Variants in SLC8A1 observed in about 807,000 individuals in gnomAD.
SLC8A1 encodes the protein sodium/calcium exchanger 1.
A neutral mutation model predicts 68.3 loss-of-function variants in SLC8A1; 18 were observed. The ratio of observed to expected loss-of-function variants is 0.26; its 90% CI spans 0.18 to 0.39. The LOEUF is 0.39. SLC8A1 is among the 10% of genes least tolerant of loss of function. SLC8A1 has a pLI of 1.00. For missense variants in SLC8A1, 985 were observed against 1,156.7 expected, an observed-to-expected ratio of 0.85 and a Z score of 2.15; for synonymous variants, 475 against 415.5, an observed-to-expected ratio of 1.14 and a Z score of -1.74.
In SLC8A1 at chr2:40,215,456, T is replaced by TGAAA. The variant is rs1332844700; in HGVS notation, c.1809-37605_1809-37602dup. Among the ~76,000 whole-genome samples the TGAAA allele has an allele frequency of 2.0e-5, 3 of 151,420 alleles. No individual in the cohort carries two copies. In the South Asian group the frequency reaches 6.3e-4, roughly 32 times the overall value. ...ATCGAGACCATCCTGGCTAACAAGG[T>TGAAA]GAAACCCCGTCTCTACTAAAAATAC... is the stretch of plus-strand genomic sequence containing the variant. On this transcript the variant is annotated intron_variant, in intron 2 of 7. Transcript: ENST00000406785.
chr2:40,216,465 A>C (rs1357540927), intron 2 of SLC8A1, among the ~76,000 whole-genome samples: 1 of 152,126 alleles, frequency 6.6e-6, no homozygotes, highest in South Asian at 2.1e-4. Context: ...ATAAACATAC[A>C]TGTGCATGTG....
intron 2 of SLC8A1, among the ~76,000 whole-genome samples, chr2:40,420,844 A>G (rs1330005297): frequency 6.6e-6 from 1 of 152,034 alleles, no homozygotes; most frequent in East Asian, 1.9e-4. Context: ...CCTGAATAAG[A>G]CTCTATGGGA....
Position 40,488,224 on chromosome 2 carries a change from A to AG in SLC8A1, c.-25+24124dup, listed in dbSNP as rs1423579422. ...CACAAGGGGGACACCTTCTGTAGAC[A>AG]GAAAAAAAAAAAAAAGACTGAAACA... On this transcript the variant is annotated intron_variant, in intron 1 of 7. Transcript: ENST00000402441. Among the ~76,000 whole-genome samples the AG allele has an allele frequency of 5.8e-5, 7 of 121,632 alleles. No homozygotes were observed. The South Asian group carries it at 1.3e-3, about 23-fold the overall frequency. The allele number at this position is 121,632 out of a possible 152,430, so 79.8% of individuals were successfully genotyped here.
chr2:40,132,816 T>C (rs2039661186), intron 7 of SLC8A1, among the ~76,000 whole-genome samples: 1 of 152,178 alleles, frequency 6.6e-6, no homozygotes. Flanking sequence ...TGACATAACC[T>C]AAGTAAGATA....
At chr2:40,399,967 T>A (rs984260574) in intron 2 of SLC8A1, among the ~76,000 whole-genome samples, 1 of 152,226 alleles carries the variant, frequency 6.6e-6, no homozygotes, top group Non-Finnish European at 1.5e-5. Context: ...TCGGTTATTT[T>A]ACCTATAGAT....
chr2:40,312,675 CA>C (rs1053832055), intron 2 of SLC8A1, among the ~76,000 whole-genome samples: 14 of 152,046 alleles, frequency 9.2e-5, no homozygotes, highest in African/African-American at 3.4e-4. Flanking sequence ...TTGGAAAATA[CA>C]AGATAAGATT....
chr2:40,104,538 A>G (rs1245947266), exon 8 of SLC8A1: 1 of 152,170 alleles, frequency 6.6e-6, no homozygotes, highest in East Asian at 1.9e-4. Flanking sequence ...AGGTTTCAAA[A>G]TGGCCCCATT....
chr2:40,412,758 C>A (rs1307788069), intron 2 of SLC8A1, among the ~76,000 whole-genome samples: 1 of 152,168 alleles, frequency 6.6e-6, no homozygotes, highest in Non-Finnish European at 1.5e-5. Context: ...AGAGTATTAT[C>A]ATGATAAGCT....
intron 2 of SLC8A1, among the ~76,000 whole-genome samples, chr2:40,319,105 G>A (rs912184151): frequency 1.3e-5 from 2 of 152,146 alleles, no homozygotes; most frequent in East Asian, 1.9e-4. Flanking sequence ...CTTAATTCCT[G>A]GCATATTTCT....
chr2:40,437,268 T>C (rs1328221100), intron 1 of SLC8A1, among the ~76,000 whole-genome samples: 1 of 152,166 alleles, frequency 6.6e-6, no homozygotes, highest in Non-Finnish European at 1.5e-5. Flanking sequence ...TTTAGGTACT[T>C]AACCTGCCAT....
At chr2:40,239,171 G>T (rs1389146651) in intron 2 of SLC8A1, among the ~76,000 whole-genome samples, 1 of 152,126 alleles carries the variant, frequency 6.6e-6, no homozygotes, top group Non-Finnish European at 1.5e-5. Flanking sequence ...GTCAGCAAAT[G>T]TCAATCATGC....
chr2:40,236,001 A>G (rs1208190461), intron 2 of SLC8A1, among the ~76,000 whole-genome samples: 1 of 151,650 alleles, frequency 6.6e-6, no homozygotes, highest in Non-Finnish European at 1.5e-5. Context: ...ACATTTGCTG[A>G]GGAGAGCTTT....
intron 2 of SLC8A1, chr2:40,250,552 T>C (rs2062578908): frequency 6.6e-6 from 1 of 152,124 alleles, no homozygotes; most frequent in South Asian, 2.1e-4. Flanking sequence ...GACTCGTGTG[T>C]TTATAATTCT....
intron 2 of SLC8A1, among the ~76,000 whole-genome samples, chr2:40,207,400 T>C (rs6736607): frequency 0.55 from 83,964 of 151,762 alleles, 25,573 homozygotes; most frequent in Non-Finnish European, 0.71. Context: ...TGGCAATATA[T>C]TGGATGGTCT....
At chr2:40,137,890 C>A (rs973855889) in intron 7 of SLC8A1, among the ~76,000 whole-genome samples, 1 of 152,120 alleles carries the variant, frequency 6.6e-6, no homozygotes, top group Admixed American at 6.5e-5. Flanking sequence ...AACCCCCAGG[C>A]AGGCAGTCAG....
chr2:40,464,988 C>T (rs1703574128), intron 1 of SLC8A1, among the ~76,000 whole-genome samples: 1 of 152,122 alleles, frequency 6.6e-6, no homozygotes. Flanking sequence ...CTCTCCCACC[C>T]CCAGCTGTGC....
chr2:40,375,048 A>C (rs986590291), intron 2 of SLC8A1, among the ~76,000 whole-genome samples: 1 of 152,020 alleles, frequency 6.6e-6, no homozygotes, highest in Admixed American at 6.6e-5. Flanking sequence ...TAATGAATTT[A>C]ATCAGTCGGG....
intron 1 of SLC8A1, among the ~76,000 whole-genome samples, chr2:40,464,708 C>A (rs956871845): frequency 6.6e-6 from 1 of 152,146 alleles, no homozygotes; most frequent in Non-Finnish European, 1.5e-5. Context: ...GACATTGGAA[C>A]TGCAGACCTG....
intron 2 of SLC8A1, among the ~76,000 whole-genome samples, chr2:40,376,020 A>G (rs528717803): frequency 6.6e-6 from 1 of 152,058 alleles, no homozygotes; most frequent in Non-Finnish European, 1.5e-5. Context: ...AAATAAATAA[A>G]TAAAAAGTTG....
Sources: allele counts gnomAD v4.1 joint callset (sites outside exome capture counted in the v4.1 genomes callset), GRCh38; gene constraint gnomAD v4.1.1; transcripts MANE v1.5; gene names NCBI Gene and HGNC (gene_info 2026-07-23, HGNC 2026-07-21).